Variants in CNTNAP2 observed in about 807,000 individuals in gnomAD.
The protein encoded by CNTNAP2 is contactin associated protein 2, also known as contactin-associated protein-like 2.
Under a neutral mutation model 155.2 loss-of-function variants are expected in CNTNAP2, and 98 were observed. The ratio of observed to expected loss-of-function variants is 0.63; its 90% CI spans 0.54 to 0.75. The LOEUF is 0.75. CNTNAP2 is among the 30% of genes least tolerant of loss of function. The probability of loss-of-function intolerance (pLI) is 0.00; values close to 1 mark genes in which losing one functional copy is unlikely to be tolerated. For synonymous variants in CNTNAP2, 651 were observed against 631.2 expected (o/e 1.03, Z -0.47); for missense variants, 1,727 against 1,688.1 (o/e 1.02, Z -0.40).
chr7:146,933,888 G>A (rs1185200642), intron 3 of CNTNAP2, among the ~76,000 whole-genome samples: 4 of 151,766 alleles, frequency 2.6e-5, no homozygotes, highest in African/African-American at 9.7e-5. Flanking sequence ...AAACCACAAT[G>A]AGATACCATC....
At chr7:148,027,357 A>G (rs758129012) in intron 15 of CNTNAP2, among the ~76,000 whole-genome samples, 4 of 152,176 alleles carry the variant, frequency 2.6e-5, no homozygotes, top group Non-Finnish European at 4.4e-5. Context: ...CTGCTGTCTG[A>G]ATTTTTTCTT....
At chr7:146,442,613 T>C (rs547562667) in intron 1 of CNTNAP2, among the ~76,000 whole-genome samples, 1 of 152,290 alleles carries the variant, frequency 6.6e-6, no homozygotes, top group Non-Finnish European at 1.5e-5. Flanking sequence ...ACATCTGTGG[T>C]CCATCTTGAA....
At chr7:146,972,541 G>C (rs1797823859) in intron 3 of CNTNAP2, among the ~76,000 whole-genome samples, 1 of 152,042 alleles carries the variant, frequency 6.6e-6, no homozygotes, top group Non-Finnish European at 1.5e-5. Flanking sequence ...TATAAAGCAG[G>C]TAATATAATT....
At chr7:147,757,697 A>T (rs1797232394) in intron 13 of CNTNAP2, among the ~76,000 whole-genome samples, 2 of 152,238 alleles carry the variant, frequency 1.3e-5, no homozygotes, top group East Asian at 1.9e-4. Flanking sequence ...CATACTCCAT[A>T]GTTGGTTTCC....
intron 1 of CNTNAP2, among the ~76,000 whole-genome samples, chr7:146,211,742 C>T (rs919027065): frequency 2.0e-5 from 3 of 152,012 alleles, no homozygotes; most frequent in Admixed American, 2.0e-4. Context: ...ATACTATAAA[C>T]TAGAGACAGC....
At chr7:148,314,790 G>A (rs1201212754) in intron 21 of CNTNAP2, among the ~76,000 whole-genome samples, 2 of 151,978 alleles carry the variant, frequency 1.3e-5, no homozygotes, top group Admixed American at 1.3e-4. Flanking sequence ...TCCCCGTGTG[G>A]TCAGATGCCT....
intron 18 of CNTNAP2, among the ~76,000 whole-genome samples, chr7:148,213,026 T>C (rs915991244): frequency 1.3e-5 from 2 of 152,196 alleles, no homozygotes; most frequent in Non-Finnish European, 2.9e-5. Flanking sequence ...GAATCTCCCT[T>C]CATGATCTGC....
At chr7:148,411,671 C>T (rs1177418315) in intron 23 of CNTNAP2, among the ~76,000 whole-genome samples, 1 of 151,906 alleles carries the variant, frequency 6.6e-6, no homozygotes, top group Non-Finnish European at 1.5e-5. Context: ...ATCACTTTAT[C>T]ATTTGCCATC....
intron 10 of CNTNAP2, among the ~76,000 whole-genome samples, chr7:147,439,211 A>G (rs1797599913): frequency 6.6e-6 from 1 of 151,480 alleles, no homozygotes; most frequent in Non-Finnish European, 1.5e-5. Context: ...TTATTTTTTG[A>G]TGTAGGCACT....
chr7:146,168,116 A>G (rs558640744), intron 1 of CNTNAP2, among the ~76,000 whole-genome samples: 4 of 152,194 alleles, frequency 2.6e-5, no homozygotes, highest in East Asian at 3.9e-4. Context: ...AGCTAATTAC[A>G]TGGTGCCCAC....
intron 1 of CNTNAP2, among the ~76,000 whole-genome samples, chr7:146,361,573 G>C (rs1291151006): frequency 6.6e-6 from 1 of 152,164 alleles, no homozygotes; most frequent in Non-Finnish European, 1.5e-5. Context: ...CCCAGAGGAG[G>C]TAAATTGCTA....
At chr7:148,309,678 G>A (rs952333793) in intron 21 of CNTNAP2, among the ~76,000 whole-genome samples, 5 of 151,282 alleles carry the variant, frequency 3.3e-5, no homozygotes, top group African/African-American at 7.4e-5. Flanking sequence ...AATTTCACAC[G>A]ATAATGTCAT....
chr7:146,190,104 C>T (rs186863516), intron 1 of CNTNAP2, among the ~76,000 whole-genome samples: 35 of 152,288 alleles, frequency 2.3e-4, no homozygotes, highest in Admixed American at 1.7e-3. Context: ...TTCAAAGAAG[C>T]GATTTCCTTA....
chr7:147,352,903 G>C (rs1450637175), intron 9 of CNTNAP2, among the ~76,000 whole-genome samples: 1 of 151,812 alleles, frequency 6.6e-6, no homozygotes, highest in Non-Finnish European at 1.5e-5. Context: ...ATTAGTTTAT[G>C]AATCTGATAC....
chr7:147,859,617 C>T (rs1460360910), intron 13 of CNTNAP2, among the ~76,000 whole-genome samples: 1 of 151,562 alleles, frequency 6.6e-6, no homozygotes, highest in Non-Finnish European at 1.5e-5. Flanking sequence ...TATTATCTTG[C>T]TATCACTCTT....
At chr7:146,428,451 G>A (rs1796124804) in intron 1 of CNTNAP2, among the ~76,000 whole-genome samples, 1 of 151,930 alleles carries the variant, frequency 6.6e-6, no homozygotes, top group Non-Finnish European at 1.5e-5. Context: ...TGACTGCTGT[G>A]AGATGGTGTC....
intron 18 of CNTNAP2, among the ~76,000 whole-genome samples, chr7:148,184,970 G>T (rs544048296): frequency 6.6e-6 from 1 of 152,300 alleles, no homozygotes; most frequent in South Asian, 2.1e-4. Flanking sequence ...GTCACTGAAA[G>T]CCTCTTTAGT....
At chr7:146,754,503 G>A (rs375665780) in intron 1 of CNTNAP2, among the ~76,000 whole-genome samples, 14 of 151,830 alleles carry the variant, frequency 9.2e-5, no homozygotes, top group Middle Eastern at 3.4e-3. Context: ...TATCCAATGA[G>A]AAATAAAATT....
intron 11 of CNTNAP2, among the ~76,000 whole-genome samples, chr7:147,504,688 TAAA>T (rs112808877): frequency 4.5e-4 from 47 of 104,760 alleles, no homozygotes; most frequent in African/African-American, 1.4e-3. Context: ...GATTCTGTCT[TAAA>T]AAAAAAAAAA....
Sources: gnomAD v4.1 joint callset for allele counts (sites outside exome capture counted in the v4.1 genomes callset) on GRCh38, gnomAD v4.1.1 for gene constraint, MANE v1.5 for transcripts, NCBI Gene and HGNC (gene_info 2026-07-23, HGNC 2026-07-21) for gene names.